The following NUCB2 variants were observed in gnomAD, a reference collection of about 807,000 sequenced individuals.
NUCB2 encodes the protein nucleobindin 2.
A neutral mutation model predicts 57.9 loss-of-function variants in NUCB2; 48 were observed. That is an observed-to-expected ratio of 0.83 (90% confidence interval 0.66 to 1.05). The LOEUF (loss-of-function observed/expected upper bound fraction) is 1.05. Among genes scored for constraint, NUCB2 ranks in the 50% least tolerant of loss-of-function variants. NUCB2 has a pLI of 0.00. For synonymous variants in NUCB2, 139 were observed against 152.1 expected (o/e 0.91, Z 0.64); for missense variants, 442 against 476.2 (o/e 0.93, Z 0.67).
chr11:17,319,782 A>G (rs1187559577), intron 11 of NUCB2, among the ~76,000 whole-genome samples: 2 of 152,028 alleles, frequency 1.3e-5, no homozygotes, highest in African/African-American at 2.4e-5. Flanking sequence ...TATAGTTTAT[A>G]TATATATAAA....
chr11:17,342,167 C>T (rs1952325195), intron 2 of NUCB2, among the ~76,000 whole-genome samples: 1 of 152,164 alleles, frequency 6.6e-6, no homozygotes, highest in South Asian at 2.1e-4. Flanking sequence ...ATGATATCCC[C>T]TTTATCATTT....
At chr11:17,303,074 T>G (rs530676522) in intron 5 of NUCB2, among the ~76,000 whole-genome samples, 1 of 152,212 alleles carries the variant, frequency 6.6e-6, no homozygotes, top group Non-Finnish European at 1.5e-5. Context: ...AGAGATATGG[T>G]CTTGCTGTGT....
intron 11 of NUCB2, among the ~76,000 whole-genome samples, chr11:17,315,827 C>T (rs1451132160): frequency 3.9e-5 from 6 of 152,160 alleles, no homozygotes; most frequent in East Asian, 1.9e-4. Context: ...AGTTATGCAT[C>T]GTACTGTGTT....
intron 11 of NUCB2, among the ~76,000 whole-genome samples, chr11:17,323,613 C>T (rs1950301945): frequency 6.6e-6 from 1 of 152,082 alleles, no homozygotes. Context: ...TTCCTTCCTC[C>T]TTTAGTTTTT....
rs10430892 is a variant in NUCB2, at chr11:17,348,071, G to C, written n.2627-1274G>C. On this transcript the variant is annotated intron_variant and non_coding_transcript_variant, in intron 2 of 2. Coordinates refer to the NUCB2 transcript ENST00000532240. ...TTATTTCACAAAATGACAGTTCTTC[G>C]TGGGTTGGACACTTATTTTTTATTT... Among the ~76,000 whole-genome samples, 3,614 of 151,920 alleles carry C rather than the reference G, an allele frequency of 0.024. 576 individuals carry two copies. The East Asian group carries it at 0.45, about 19-fold the overall frequency.
At chr11:17,328,302 TTATG>T (rs1189743275) in intron 11 of NUCB2, among the ~76,000 whole-genome samples, 24 of 152,312 alleles carry the variant, frequency 1.6e-4, no homozygotes, top group African/African-American at 5.5e-4. Flanking sequence ...GCAAGTACCT[TTATG>T]GCCATCACCA....
At chr11:17,298,336 C>T (rs536614720) in intron 4 of NUCB2, among the ~76,000 whole-genome samples, 6 of 151,826 alleles carry the variant, frequency 4.0e-5, no homozygotes, top group Admixed American at 6.6e-5. Context: ...GAAGCCAAGG[C>T]GGGAGGATCA....
intron 3 of NUCB2, 135 bp downstream of exon 3, chr11:17,295,602 T>A: frequency 1.4e-6 from 1 of 698,954 alleles, no homozygotes; most frequent in Non-Finnish European, 2.4e-6. Context: ...ATTGCTAATA[T>A]TTATTACTTA....
intron 2 of NUCB2, among the ~76,000 whole-genome samples, chr11:17,344,341 T>G (rs10832768): frequency 0.24 from 36,410 of 152,182 alleles, 5,025 homozygotes; most frequent in East Asian, 0.5. Context: ...ACTAGGGTGT[T>G]AATTCAGCAA....
At chr11:17,312,768 G>A (rs1037688569) in intron 10 of NUCB2, among the ~76,000 whole-genome samples, 6 of 151,168 alleles carry the variant, frequency 4.0e-5, no homozygotes, top group Admixed American at 1.3e-4. Flanking sequence ...GTGCAGTGGT[G>A]CGATCTTGGC....
At chr11:17,285,302 A>T (rs896627825) in intron 2 of NUCB2, among the ~76,000 whole-genome samples, 8 of 150,926 alleles carry the variant, frequency 5.3e-5, no homozygotes, top group Non-Finnish European at 8.9e-5. Flanking sequence ...TGGCTGGGTG[A>T]GGTGGCTCAC....
In NUCB2 at chr11:17,331,745, G is replaced by A. The variant is rs1951430646; in HGVS notation, c.*326G>A. ...AGTGAAACTATTAGGAACTATTTAA[G>A]TGAGAAAACTCTGCCTCTTGCTTTT... On this transcript the variant is annotated 3_prime_UTR_variant, in exon 14 of 14. Transcript: ENST00000529010. 4.2e-6 allele frequency: 1 copy of A among 235,528 alleles called. No individual in the cohort carries two copies. Among genetic ancestry groups the A allele is most frequent in the African/African-American group, 2.2e-5 (1 of 44,742 alleles). 14.6% of individuals were successfully genotyped at this position (235,528 alleles called of 1,614,324 possible).
At position 17,330,204 on chromosome 11, in the gene NUCB2, A is replaced by G. The variant is rs1951218755; in HGVS notation, c.1080A>G (p.Glu360=). ...ATATTATTGCTTTACAAGAAAATGA[A>G]CTTAAGAAGAAGGCAGATGAGCTTC... The part of the protein sequence containing the change: ...YENIIALQEN[E]LKKKADELQK... Residue 360 remains glutamate, a synonymous_variant, in exon 12 of 14, where the codon GAA becomes GAG. Transcript: ENST00000529010. The surrounding 1 kb of genome is among the most constrained non-coding windows in gnomAD (Gnocchi z 4.3). 3.1e-6 allele frequency: 5 copies of G among 1,606,338 alleles called. No homozygotes were observed. The East Asian group carries it at 1.1e-4, about 36-fold the overall frequency.
chr11:17,331,034 A>G (rs753730565), intron 13 of NUCB2, 51 bp downstream of exon 13: 2 of 1,083,626 alleles, frequency 1.8e-6, no homozygotes, highest in South Asian at 1.4e-5. Flanking sequence ...TATTTTATCA[A>G]TTGAAATCCA....
chr11:17,289,301 AT>A (rs1373859814), intron 2 of NUCB2, among the ~76,000 whole-genome samples: 2 of 152,010 alleles, frequency 1.3e-5, no homozygotes, highest in Non-Finnish European at 2.9e-5. Context: ...AGCACCCTAT[AT>A]TAATTTTACA....
intron 11 of NUCB2, among the ~76,000 whole-genome samples, chr11:17,318,034 G>C (rs868096025): frequency 7.8e-6 from 1 of 128,560 alleles, no homozygotes; most frequent in African/African-American, 3.0e-5. Context: ...GTCTCTCTCT[G>C]TCACCCAGGC....
At chr11:17,348,319 GTTTTTTTTTTTTTTTTTTTT>G (rs55741571) in intron 2 of NUCB2, among the ~76,000 whole-genome samples, 6 of 84,450 alleles carry the variant, frequency 7.1e-5, no homozygotes, top group South Asian at 4.7e-4. Flanking sequence ...TTGTTTTTGT[GTTTTTTTTTTTTTTTTTTTT>G]TTTTTTTTTT....
intron 2 of NUCB2, among the ~76,000 whole-genome samples, chr11:17,288,291 C>G (rs745588305): frequency 1.3e-5 from 2 of 152,034 alleles, no homozygotes; most frequent in African/African-American, 2.4e-5. Context: ...TAATTGGCAG[C>G]ATTTTTTTCT....
intron 5 of NUCB2, among the ~76,000 whole-genome samples, chr11:17,305,094 C>T (rs1037918195): frequency 2.6e-5 from 4 of 151,880 alleles, no homozygotes; most frequent in East Asian, 1.9e-4. Context: ...GAAGCTAAGG[C>T]GGGCGGATCA....
Sources: allele counts gnomAD v4.1 joint callset (sites outside exome capture counted in the v4.1 genomes callset), GRCh38; gene constraint gnomAD v4.1.1; non-coding constraint Gnocchi (gnomAD v3.1); transcripts MANE v1.5; gene names NCBI Gene and HGNC (gene_info 2026-07-23, HGNC 2026-07-21).